COLEC12: variants seen among roughly 807,000 people sequenced by gnomAD.
COLEC12 encodes the protein collectin subfamily member 12.
COLEC12 carries 33 observed loss-of-function variants against 71.1 expected under a neutral mutation model. The observed-to-expected ratio is 0.46, with a 90% confidence interval of 0.35 to 0.62. The LOEUF (loss-of-function observed/expected upper bound fraction) is 0.62. COLEC12 is among the 20% of genes least tolerant of loss of function. The pLI, the probability that COLEC12 is intolerant of heterozygous loss-of-function variation, is 0.00. For missense variants in COLEC12, 765 were observed against 916.1 expected (o/e 0.84, Z 2.13); for synonymous variants, 350 against 353.0 (o/e 0.99, Z 0.10).
chr18:354,786 G>C (rs1011746174), intron 3 of COLEC12, among the ~76,000 whole-genome samples: 2 of 152,020 alleles, frequency 1.3e-5, no homozygotes, highest in Admixed American at 1.3e-4. Flanking sequence ...CCTGAAGGAG[G>C]GGGGCACTGA....
intron 2 of COLEC12, among the ~76,000 whole-genome samples, chr18:427,515 G>C (rs960127300): frequency 9.9e-5 from 15 of 152,188 alleles, no homozygotes; most frequent in Admixed American, 3.9e-4. Flanking sequence ...CTCAGGCCTA[G>C]CTCTTTAGAG....
intron 2 of COLEC12, among the ~76,000 whole-genome samples, chr18:458,562 G>A (rs1195980298): frequency 3.9e-5 from 6 of 152,198 alleles, no homozygotes; most frequent in Admixed American, 1.3e-4. Context: ...GGCAGCCTTC[G>A]CTTCTGTGAA....
chr18:323,027 C>G (rs149839895), intron 8 of COLEC12, among the ~76,000 whole-genome samples: 1,532 of 152,270 alleles, frequency 0.01, 24 homozygotes, highest in African/African-American at 0.035. Flanking sequence ...GAGTTCGAGA[C>G]CAGCCTGGCC....
chr18:485,670 T>C (rs1188689552), intron 1 of COLEC12, among the ~76,000 whole-genome samples: 1 of 152,254 alleles, frequency 6.6e-6, no homozygotes, highest in Non-Finnish European at 1.5e-5. Flanking sequence ...GGCTGCTGAT[T>C]TATTCTTTGC....
intron 2 of COLEC12, among the ~76,000 whole-genome samples, chr18:371,443 T>C (rs1914997309): frequency 6.6e-6 from 1 of 152,032 alleles, no homozygotes; most frequent in South Asian, 2.1e-4. Flanking sequence ...TGGGCACAAA[T>C]CACGGAAGAG....
intron 1 of COLEC12, among the ~76,000 whole-genome samples, chr18:496,866 C>G (rs1917722247): frequency 6.6e-6 from 1 of 152,092 alleles, no homozygotes; most frequent in African/African-American, 2.4e-5. Flanking sequence ...AACCAATATC[C>G]CCAACTTTAA....
chr18:345,048 G>A (rs187227148), intron 5 of COLEC12, among the ~76,000 whole-genome samples: 83 of 152,298 alleles, frequency 5.4e-4, no homozygotes, highest in African/African-American at 1.8e-3. Context: ...ATACCCCAAG[G>A]TGGCCCCTAG....
rs1308915677 is a variant in COLEC12, at chr18:371,722, C to T, written c.59-14200G>A. Among the ~76,000 whole-genome samples the T allele has an allele frequency of 4.6e-5, 7 of 152,092 alleles. No homozygotes were observed. The East Asian group carries it at 1.3e-3, about 29-fold the overall frequency. On this transcript the variant is annotated intron_variant, in intron 2 of 9. Coordinates refer to ENST00000400256, the MANE Select transcript of COLEC12 (RefSeq NM_130386.3). ...TTGTGACAGTTGATTGTAGGAATGT[C>T]CCTGCCAGCGGGTAACTTGTGTCCT...
chr18:359,299 T>C (rs1212172661), intron 2 of COLEC12, among the ~76,000 whole-genome samples: 2 of 152,172 alleles, frequency 1.3e-5, no homozygotes, highest in African/African-American at 2.4e-5. Flanking sequence ...ATGGCCCCCA[T>C]TCCCTGGCCG....
At chr18:488,910 G>A (rs1917570073) in intron 1 of COLEC12, among the ~76,000 whole-genome samples, 1 of 151,840 alleles carries the variant, frequency 6.6e-6, no homozygotes, top group African/African-American at 2.4e-5. Flanking sequence ...AATCAATTTA[G>A]AGGGTCCAAT....
chr18:319,361 T>C lies in COLEC12; in HGVS notation c.*684A>G, dbSNP rs1446684828. 8.2e-6 allele frequency: 1 copy of C among 122,184 alleles called. No homozygotes were observed. The highest frequency in any genetic ancestry group is 1.8e-5 in the Non-Finnish European group (1 of 55,226). The allele number at this position is 122,184 out of a possible 1,614,324, so 7.6% of individuals were successfully genotyped here. Reference sequence around the variant, plus strand: ...AAAAAAATATATATATATATATATATATACACATGTATATTTAATTATTTT... The same window carrying C: ...AAAAAAATATATATATATATATATACATACACATGTATATTTAATTATTTT... On this transcript the variant is annotated 3_prime_UTR_variant, in exon 10 of 10. Coordinates refer to ENST00000400256, the MANE Select transcript of COLEC12 (RefSeq NM_130386.3).
intron 2 of COLEC12, among the ~76,000 whole-genome samples, chr18:361,488 G>GA (rs1914742184): frequency 6.6e-6 from 1 of 151,618 alleles, no homozygotes; most frequent in Non-Finnish European, 1.5e-5. Context: ...TGCTAAAAAG[G>GA]AAAAAAACAA....
At chr18:374,697 T>C (rs1243373759) in intron 2 of COLEC12, among the ~76,000 whole-genome samples, 1 of 152,216 alleles carries the variant, frequency 6.6e-6, no homozygotes, top group Non-Finnish European at 1.5e-5. Flanking sequence ...CAATTCTGTT[T>C]ATAAACATTT....
At chr18:447,519 T>G (rs1330647548) in intron 2 of COLEC12, among the ~76,000 whole-genome samples, 1 of 152,144 alleles carries the variant, frequency 6.6e-6, no homozygotes, top group Non-Finnish European at 1.5e-5. Flanking sequence ...TTGACTCCCA[T>G]GCCAGACCAA....
intron 3 of COLEC12, among the ~76,000 whole-genome samples, chr18:350,147 C>G (rs1342111075): frequency 6.6e-6 from 1 of 152,192 alleles, no homozygotes; most frequent in African/African-American, 2.4e-5. Flanking sequence ...TGAATTATAT[C>G]TCCCAGAATT....
At chr18:429,368 A>C (rs1916257570) in intron 2 of COLEC12, among the ~76,000 whole-genome samples, 1 of 151,288 alleles carries the variant, frequency 6.6e-6, no homozygotes, top group Non-Finnish European at 1.5e-5. Context: ...ATTTTTTTTC[A>C]TGTAATTCTT....
At chr18:379,346 C>T (rs561769336) in intron 2 of COLEC12, among the ~76,000 whole-genome samples, 1 of 152,114 alleles carries the variant, frequency 6.6e-6, no homozygotes, top group African/African-American at 2.4e-5. Context: ...AGGCTGGTCT[C>T]AAACTCCTAG....
At chr18:337,440 A>C (rs1439154491) in intron 5 of COLEC12, among the ~76,000 whole-genome samples, 1 of 152,182 alleles carries the variant, frequency 6.6e-6, no homozygotes, top group Non-Finnish European at 1.5e-5. Context: ...TCTTAGCAGA[A>C]GCTTAGGCTC....
At chr18:398,677 C>T (rs965339474) in intron 2 of COLEC12, among the ~76,000 whole-genome samples, 2 of 152,196 alleles carry the variant, frequency 1.3e-5, no homozygotes, top group Non-Finnish European at 2.9e-5. Flanking sequence ...TTAGAAGAGT[C>T]TGCTTATAAT....
Sources: allele counts gnomAD v4.1 joint callset (sites outside exome capture counted in the v4.1 genomes callset), GRCh38; gene constraint gnomAD v4.1.1; transcripts MANE v1.5; gene names NCBI Gene and HGNC (gene_info 2026-07-23, HGNC 2026-07-21).